LHPP: variants seen among roughly 807,000 people sequenced by gnomAD.
The protein encoded by LHPP is hLHPP.
A neutral mutation model predicts 30.3 loss-of-function variants in LHPP; 24 were observed. That is an observed-to-expected ratio of 0.79 (90% CI 0.57 to 1.11). The LOEUF is 1.11. LHPP is among the 50% of genes most tolerant of loss of function. The probability of loss-of-function intolerance (pLI) is 0.00; values close to 1 mark genes in which losing one functional copy is unlikely to be tolerated. For missense variants in LHPP, 356 were observed against 367.2 expected (o/e 0.97, Z 0.25); for synonymous variants, 150 against 157.1 (o/e 0.95, Z 0.34).
rs73367868 is a variant in LHPP, at chr10:124,543,464, G to A, written c.716+26193G>A. ...AACGGCAGAGGTGCCCTGGGAAGGC[G>A]GAGGTCTGGGAGCCCCACAAGGGCT... is the stretch of plus-strand genomic sequence containing the variant. On this transcript the variant is annotated intron_variant, in intron 6 of 6. Coordinates refer to ENST00000368842, the MANE Select transcript of LHPP (RefSeq NM_022126.4). Among the ~76,000 whole-genome samples the A allele has an allele frequency of 7.1e-3, 1,078 of 152,380 alleles. 15 individuals are homozygous for A. Among genetic ancestry groups the A allele is most frequent in the African/African-American group, 0.025 (1,025 of 41,594 alleles).
intron 5 of LHPP, among the ~76,000 whole-genome samples, chr10:124,501,448 A>G (rs539499610): frequency 6.6e-6 from 1 of 151,640 alleles, no homozygotes; most frequent in South Asian, 2.1e-4. Flanking sequence ...CTAAAAATAC[A>G]AACATTAGCC....
intron 6 of LHPP, among the ~76,000 whole-genome samples, chr10:124,570,985 A>G (rs759610383): frequency 1.3e-5 from 2 of 152,072 alleles, no homozygotes; most frequent in Non-Finnish European, 1.5e-5. Flanking sequence ...GGTCTTTCCC[A>G]TGTTGTTCTG....
At chr10:124,520,318 G>A (rs929082875) in intron 6 of LHPP, among the ~76,000 whole-genome samples, 1 of 152,008 alleles carries the variant, frequency 6.6e-6, no homozygotes, top group Admixed American at 6.6e-5. Context: ...AGGCCCCAGT[G>A]TGTGTGTTAT....
rs7071005 is a variant in LHPP, at chr10:124,591,776, G to A, written c.717-21488G>A. ...CATCCCAACTTCTGATACCAGGTAG[G>A]AGTAATTGTTCTAAGCTCCGCAGCT... On this transcript the variant is annotated intron_variant, in intron 6 of 6. Transcript: ENST00000368842. Among the ~76,000 whole-genome samples, 1,447 of 152,148 alleles carry A rather than the reference G, an allele frequency of 9.5e-3. 18 individuals are homozygous for A. The highest frequency in any genetic ancestry group is 0.031 in the African/African-American group (1,297 of 41,504).
intron 6 of LHPP, among the ~76,000 whole-genome samples, chr10:124,606,714 G>T (rs567570203): frequency 2.0e-5 from 3 of 151,338 alleles, no homozygotes; most frequent in African/African-American, 7.2e-5. Context: ...CTGTCTGGGG[G>T]CCTGGGCTGG....
rs1456386116 is a variant in LHPP at position 124,576,130 on chromosome 10, C to A, written c.717-37134C>A. On this transcript the variant is annotated intron_variant, in intron 6 of 6. Transcript: ENST00000368842. This position sits in a 1 kb window ranked among gnomAD's most constrained non-coding sequence, Gnocchi z 4.2. ...TCTTAACCACTGTGTTCACTGAACACCCCGGGCTTGATCAGCTGCTGAGGG... is the reference window on the plus strand; with the variant it reads ...TCTTAACCACTGTGTTCACTGAACAACCCGGGCTTGATCAGCTGCTGAGGG... Among the ~76,000 whole-genome samples, 1 of 152,136 alleles carries A rather than the reference C, an allele frequency of 6.6e-6. No individual in the cohort carries two copies. The highest frequency in any genetic ancestry group is 1.9e-4 in the East Asian group (1 of 5,198).
chr10:124,607,977 G>A (rs113985250), intron 6 of LHPP, among the ~76,000 whole-genome samples: 305 of 152,274 alleles, frequency 2.0e-3, no homozygotes, highest in African/African-American at 7.1e-3. Flanking sequence ...GGCTGATGCA[G>A]GCCCATGCAC....
chr10:124,470,235 G>A (rs541209035), intron 1 of LHPP, among the ~76,000 whole-genome samples: 3 of 152,218 alleles, frequency 2.0e-5, no homozygotes, highest in African/African-American at 7.2e-5. Flanking sequence ...GCATGTGAAA[G>A]GGGGTGGGCA....
chr10:124,545,293 C>A (rs746550120), intron 6 of LHPP, among the ~76,000 whole-genome samples: 1 of 152,214 alleles, frequency 6.6e-6, no homozygotes, highest in African/African-American at 2.4e-5. Flanking sequence ...ATTGTGCGAA[C>A]CTCCCAGGCC....
intron 1 of LHPP, among the ~76,000 whole-genome samples, chr10:124,481,481 A>T (rs576224150): frequency 6.8e-6 from 1 of 146,952 alleles, no homozygotes; most frequent in Admixed American, 7.0e-5. Context: ...GGTTCAAGAG[A>T]TTCTTCTACC....
intron 1 of LHPP, among the ~76,000 whole-genome samples, chr10:124,481,525 C>T (rs193064977): frequency 6.9e-4 from 105 of 151,820 alleles, no homozygotes; most frequent in African/African-American, 2.3e-3. Context: ...TACAGGTGCC[C>T]GCCACCACAC....
intron 5 of LHPP, among the ~76,000 whole-genome samples, chr10:124,499,779 CT>C (rs1326452612): frequency 1.8e-4 from 28 of 151,986 alleles, no homozygotes. Context: ...CATGTTTCCC[CT>C]GTGTGCATTT....
intron 6 of LHPP, among the ~76,000 whole-genome samples, chr10:124,611,494 A>G (rs892457455): frequency 1.3e-5 from 2 of 151,948 alleles, no homozygotes; most frequent in Non-Finnish European, 2.9e-5. Context: ...GCAGGTGGGC[A>G]AGGAAGTGGG....
intron 6 of LHPP, among the ~76,000 whole-genome samples, chr10:124,605,837 C>A (rs971245651): frequency 7.0e-6 from 1 of 143,464 alleles, no homozygotes; most frequent in Non-Finnish European, 1.5e-5. Context: ...GGAGGGAGAG[C>A]CAGTGGAGGG....
chr10:124,549,118 G>A (rs572246392), intron 6 of LHPP, among the ~76,000 whole-genome samples: 5 of 152,274 alleles, frequency 3.3e-5, no homozygotes, highest in South Asian at 4.1e-4. Context: ...ACAATTTTCC[G>A]CAACGCATTG....
intron 6 of LHPP, among the ~76,000 whole-genome samples, chr10:124,527,239 C>T (rs1589830950): frequency 6.6e-6 from 1 of 152,208 alleles, no homozygotes; most frequent in Non-Finnish European, 1.5e-5. Flanking sequence ...CTGCTGTGTT[C>T]TGATGCATCA....
rs74160944 is a variant in LHPP at position 124,608,571 on chromosome 10, C to A, written c.717-4693C>A. The stretch of plus-strand genomic sequence containing the variant: ...CTGAGGTCACGTGGCTGGTAGGGGG[C>A]GGAGCCAGCTTTATCCTCATGGCAC... On this transcript the variant is annotated intron_variant, in intron 6 of 6. Coordinates refer to ENST00000368842, the MANE Select transcript of LHPP (RefSeq NM_022126.4). 9.5e-3 allele frequency among the ~76,000 whole-genome samples: 1,442 copies of A among 152,314 alleles called. 30 individuals are homozygous for A. Among genetic ancestry groups the A allele is most frequent in the African/African-American group, 0.033 (1,380 of 41,562 alleles).
At chr10:124,502,667 CT>C (rs1190430106) in intron 5 of LHPP, among the ~76,000 whole-genome samples, 725 of 71,344 alleles carry the variant, frequency 0.01, no homozygotes, top group Admixed American at 0.027. Flanking sequence ...CACGCCCAGC[CT>C]TTTTTTTTTT....
At chr10:124,597,197 C>T (rs1481576408) in intron 6 of LHPP, among the ~76,000 whole-genome samples, 1 of 152,156 alleles carries the variant, frequency 6.6e-6, no homozygotes, top group African/African-American at 2.4e-5. Flanking sequence ...CAGCTTCTCT[C>T]TTCCCCAGCT....
Sources: allele counts gnomAD v4.1 joint callset (sites outside exome capture counted in the v4.1 genomes callset), GRCh38; gene constraint gnomAD v4.1.1; non-coding constraint Gnocchi (gnomAD v3.1); transcripts MANE v1.5; gene names NCBI Gene and HGNC (gene_info 2026-07-23, HGNC 2026-07-21).